The following PCNT variants were observed in gnomAD, a reference collection of about 807,000 sequenced individuals.
The protein encoded by PCNT is pericentrin.
In PCNT, 319 loss-of-function variants were observed where a neutral mutation model predicts 380.4. That is an observed-to-expected ratio of 0.84 (90% CI 0.77 to 0.92). The LOEUF is 0.92. Among genes scored for constraint, PCNT ranks in the 40% least tolerant of loss-of-function variants. The pLI is 0.00. For missense variants in PCNT, 4,400 were observed against 4,255.3 expected, an observed-to-expected ratio of 1.03 and a Z score of -0.95; for synonymous variants, 1,845 against 1,735.2, an observed-to-expected ratio of 1.06 and a Z score of -1.57.
At chr21:46,364,215 C>T (rs1013997712) in intron 14 of PCNT, among the ~76,000 whole-genome samples, 2 of 150,654 alleles carry the variant, frequency 1.3e-5, no homozygotes, top group African/African-American at 4.9e-5. Context: ...GTCCCGGAGC[C>T]CCCTGGCCGC....
At position 46,402,403 on chromosome 21, in the gene PCNT, C is replaced by G. The variant is rs1238292241; in HGVS notation, c.5035C>G (p.Leu1679Val). 3 of 1,613,016 alleles carry G rather than the reference C, an allele frequency of 1.9e-6. No individual in the cohort carries two copies. The highest frequency in any genetic ancestry group is 4.5e-5 in the East Asian group (2 of 44,874). ...LESKNEEILH[L>V]NLKLDMQNSQ... ...AAGTAAAAATGAAGAAATACTACAT[C>G]TGAACTTAAAATTGGACATGCAGAA... Residue 1679 changes from leucine (L) to valine (V), a missense_variant, in exon 27 of 47, where the codon CTG becomes GTG. Leu to Val is a conservative substitution (Grantham distance 32). Coordinates refer to ENST00000359568, the MANE Select transcript of PCNT (RefSeq NM_006031.6).
intron 24 of PCNT, among the ~76,000 whole-genome samples, chr21:46,399,005 G>C (rs1321737372): frequency 1.3e-5 from 2 of 151,896 alleles, no homozygotes; most frequent in Non-Finnish European, 2.9e-5. Flanking sequence ...ATTTTTAGTA[G>C]AGACAGGGTT....
At chr21:46,329,818 C>G (rs774141541) in intron 2 of PCNT, among the ~76,000 whole-genome samples, 7 of 152,224 alleles carry the variant, frequency 4.6e-5, no homozygotes, top group Admixed American at 1.3e-4. Context: ...AAACCAAAAG[C>G]TGGTAAAATG....
Position 46,397,321 on chromosome 21 carries a change from G to A in PCNT, c.4273G>A (p.Ala1425Thr), listed in dbSNP as rs1450623993. The A allele has an allele frequency of 6.2e-7, 1 of 1,614,148 alleles. No homozygotes were observed. Among genetic ancestry groups the A allele is most frequent in the Non-Finnish European group, 8.5e-7 (1 of 1,180,024 alleles). ...TKEQSETRKQ[A>T]EKDRSALLSQ... is the part of the protein sequence containing the mutation. Reference sequence around the variant, plus strand: ...AGAACAGTCGGAGACCAGGAAGCAGGCTGAGAAGGACCGCTCAGCCCTGCT... The same window carrying A: ...AGAACAGTCGGAGACCAGGAAGCAGACTGAGAAGGACCGCTCAGCCCTGCT... The change falls in exon 22 of 47, where the codon GCT becomes ACT. Residue 1425 changes from alanine to threonine, a missense_variant. Coordinates refer to ENST00000359568, the MANE Select transcript of PCNT (RefSeq NM_006031.6).
At chr21:46,347,134 G>C in intron 5 of PCNT, 136 bp downstream of exon 5, 1 of 1,140,432 alleles carries the variant, frequency 8.8e-7, no homozygotes, top group Non-Finnish European at 1.2e-6. Flanking sequence ...CTTGCCTGGT[G>C]TCTGGCACCA....
intron 14 of PCNT, among the ~76,000 whole-genome samples, chr21:46,364,342 GC>G (rs1457706168): frequency 9.9e-5 from 15 of 151,536 alleles, no homozygotes; most frequent in Non-Finnish European, 2.1e-4. Flanking sequence ...CCACCCCGAA[GC>G]CCCCCGGCCA....
At position 46,331,685 on chromosome 21, in the gene PCNT, G is replaced by T. The variant is rs1245928367; in HGVS notation, c.268-2712G>T. ...GGAGGCTGAGTTGGGAGGATCACCT[G>T]CGCCCAGGAGTTTGAGGCTACAGTG... is the stretch of plus-strand genomic sequence containing the variant. On this transcript the variant is annotated intron_variant, in intron 2 of 46. Coordinates refer to ENST00000359568, the MANE Select transcript of PCNT (RefSeq NM_006031.6). Among the ~76,000 whole-genome samples, 4 of 152,112 alleles carry T rather than the reference G, an allele frequency of 2.6e-5. No homozygotes were observed. The East Asian group carries it at 7.7e-4, about 29-fold the overall frequency.
rs1252880592 is a variant in PCNT, at chr21:46,346,839, A to G, written c.817A>G (p.Lys273Glu). The G allele has an allele frequency of 6.2e-7, 1 of 1,608,122 alleles. No individual in the cohort carries two copies. The highest frequency in any genetic ancestry group is 2.2e-5 in the East Asian group (1 of 44,638). Reference sequence around the variant, plus strand: ...GACACAGGCCAACCTCCAGAAGGAGAAGGAGACGGCATTGACGGAGCTGCG... The same window carrying G: ...GACACAGGCCAACCTCCAGAAGGAGGAGGAGACGGCATTGACGGAGCTGCG... Reference protein sequence around the residue: ...ELTQANLQKEKETALTELREM... With the variant: ...ELTQANLQKEEETALTELREM... Residue 273 changes from lysine to glutamate, a missense_variant, in exon 5 of 47, where the codon AAG becomes GAG. Coordinates refer to ENST00000359568, the MANE Select transcript of PCNT (RefSeq NM_006031.6).
Position 46,440,061 on chromosome 21 carries a change from C to T in PCNT, c.9274-22C>T, listed in dbSNP as rs751295229. ...TGTTGACGAGCAGCTCTGTAGACAGCGCTGGCTGTGCTTCCTTACAGAGGT... is the reference window on the plus strand; with the variant it reads ...TGTTGACGAGCAGCTCTGTAGACAGTGCTGGCTGTGCTTCCTTACAGAGGT... On this transcript the variant is annotated intron_variant, in intron 41 of 46. Coordinates refer to ENST00000359568, the MANE Select transcript of PCNT (RefSeq NM_006031.6). The T allele has an allele frequency of 6.2e-6, 10 of 1,613,492 alleles. No individual in the cohort carries two copies. In the East Asian group the frequency reaches 6.7e-5, roughly 11 times the overall value.
At chr21:46,386,475 T>C (rs73907478) in intron 17 of PCNT, among the ~76,000 whole-genome samples, 40 of 152,302 alleles carry the variant, frequency 2.6e-4, no homozygotes, top group African/African-American at 8.7e-4. Context: ...CCTTTCTCCA[T>C]TGGGAGCCTG....
At chr21:46,369,475 A>T (rs992363675) in intron 15 of PCNT, among the ~76,000 whole-genome samples, 5 of 152,270 alleles carry the variant, frequency 3.3e-5, no homozygotes, top group African/African-American at 9.6e-5. Flanking sequence ...GCCAGTCCTC[A>T]GATGCCAGCT....
At chr21:46,349,311 C>T (rs2084185240) in intron 7 of PCNT, 125 bp downstream of exon 7, 8 of 859,910 alleles carry the variant, frequency 9.3e-6, no homozygotes, top group Non-Finnish European at 1.6e-5. Flanking sequence ...GCTGGATGGC[C>T]CCATGCACGT....
At chr21:46,365,517 A>C (rs35884845) in intron 14 of PCNT, among the ~76,000 whole-genome samples, 1 of 60,230 alleles carries the variant, frequency 1.7e-5, no homozygotes, top group Non-Finnish European at 3.3e-5. Context: ...GATCACTGCC[A>C]TGGGGTTCTA....
chr21:46,366,759 G>A lies in PCNT; in HGVS notation c.2785G>A (p.Glu929Lys), dbSNP rs377698877. Residue 929 changes from glutamate (E) to lysine (K), a missense_variant, in exon 15 of 47, where the codon GAG becomes AAG. By Grantham distance (56) the Glu-to-Lys change is moderately conservative. Coordinates refer to ENST00000359568, the MANE Select transcript of PCNT (RefSeq NM_006031.6). ...LEARHQAALGELTASLESKQG... is the reference protein window; with the variant it reads ...LEARHQAALGKLTASLESKQG... ...GGCCAGACACCAGGCCGCGTTGGGC[G>A]AGCTGACAGCCTCCTTAGAGAGCAA... 3.3e-5 allele frequency: 53 copies of A among 1,613,486 alleles called. No homozygotes were observed. Among genetic ancestry groups the A allele is most frequent in the Admixed American group, 2.3e-4 (14 of 60,012 alleles).
chr21:46,377,560 T>C (rs2085368910), intron 15 of PCNT, among the ~76,000 whole-genome samples: 2 of 152,206 alleles, frequency 1.3e-5, no homozygotes, highest in African/African-American at 4.8e-5. Context: ...AAGTTTATTC[T>C]AAAATATTTC....
At chr21:46,374,242 G>A (rs2085258599) in intron 15 of PCNT, among the ~76,000 whole-genome samples, 1 of 152,144 alleles carries the variant, frequency 6.6e-6, no homozygotes, top group African/African-American at 2.4e-5. Flanking sequence ...CCTCCTGATT[G>A]TTTAGAAGCA....
chr21:46,413,360 AGG>A (rs5844267), intron 29 of PCNT, among the ~76,000 whole-genome samples: 1 of 85,778 alleles, frequency 1.2e-5, no homozygotes, highest in Non-Finnish European at 2.5e-5. Context: ...AGGTGTGGGG[AGG>A]GGGGAAGGCG....
intron 2 of PCNT, among the ~76,000 whole-genome samples, chr21:46,328,650 A>C (rs1288258232): frequency 6.6e-6 from 1 of 151,928 alleles, no homozygotes; most frequent in African/African-American, 2.4e-5. Flanking sequence ...TAGTAGAGAC[A>C]GGGTTTCACC....
In PCNT at chr21:46,416,519, C is replaced by G; in HGVS notation, c.6601C>G (p.Arg2201Gly). 1 of 1,613,612 alleles carries G rather than the reference C, an allele frequency of 6.2e-7. No individual in the cohort carries two copies. The highest frequency in any genetic ancestry group is 8.5e-7 in the Non-Finnish European group (1 of 1,179,792). ...ACCGACCAGCGTACTTGGTGGCTCCCGCCACCAGAGCCACACTGCAGAGGC... is the reference window on the plus strand; with the variant it reads ...ACCGACCAGCGTACTTGGTGGCTCCGGCCACCAGAGCCACACTGCAGAGGC... ...SSPTSVLGGS[R>G]HQSHTAEAGP... Residue 2201 changes from arginine (R) to glycine (G), a missense_variant, in exon 30 of 47, where the codon CGC becomes GGC. Physicochemically the swap from Arg to Gly is moderately radical, Grantham distance 125. Transcript: ENST00000359568.
Sources: gnomAD v4.1 joint callset for allele counts (sites outside exome capture counted in the v4.1 genomes callset) on GRCh38, gnomAD v4.1.1 for gene constraint, MANE v1.5 for transcripts, NCBI Gene and HGNC (gene_info 2026-07-23, HGNC 2026-07-21) for gene names.